The following HIBCH variants were observed in gnomAD, a reference collection of about 807,000 sequenced individuals.
HIBCH encodes 3-hydroxyisobutyryl-CoA hydrolase.
Under a neutral mutation model 58.2 loss-of-function variants are expected in HIBCH, and 50 were observed. That is an observed-to-expected ratio of 0.86 (90% confidence interval 0.68 to 1.09). The LOEUF (loss-of-function observed/expected upper bound fraction) is 1.09. HIBCH is among the 50% of genes least tolerant of loss of function. HIBCH has a pLI of 0.00. For synonymous variants in HIBCH, 151 were observed against 146.9 expected (o/e 1.03, Z -0.20); for missense variants, 450 against 449.7 (o/e 1.00, Z -0.01).
chr2:190,241,242 G>T (rs1227566626), intron 11 of HIBCH, among the ~76,000 whole-genome samples: 2 of 152,026 alleles, frequency 1.3e-5, no homozygotes, highest in African/African-American at 4.8e-5. Context: ...TGTCTTTTTT[G>T]ATTGCTTTTG....
chr2:190,220,138 G>A (rs1424200831), intron 11 of HIBCH, among the ~76,000 whole-genome samples: 1 of 152,234 alleles, frequency 6.6e-6, no homozygotes, highest in Non-Finnish European at 1.5e-5. Context: ...GCTATCACTA[G>A]TTCCAAGATG....
intron 4 of HIBCH, among the ~76,000 whole-genome samples, chr2:190,292,079 T>C (rs999884452): frequency 6.6e-6 from 1 of 152,056 alleles, no homozygotes; most frequent in African/African-American, 2.4e-5. Flanking sequence ...ACCTCCCAGG[T>C]TGAAGTGATT....
intron 9 of HIBCH, among the ~76,000 whole-genome samples, chr2:190,249,385 T>C (rs2105938252): frequency 6.6e-6 from 1 of 152,330 alleles, no homozygotes; most frequent in East Asian, 1.9e-4. Context: ...TTGCAAAGAA[T>C]GATCACAAGG....
chr2:190,319,575 G>A, intron 1 of HIBCH, 141 bp downstream of exon 1: 2 of 722,548 alleles, frequency 2.8e-6, no homozygotes, highest in East Asian at 2.7e-5. Flanking sequence ...GGCTTGGGGA[G>A]GGCCAAGGTT....
At chr2:190,247,091 ATTCGCACTTATCT>A (rs990013130) in intron 9 of HIBCH, among the ~76,000 whole-genome samples, 1 of 152,016 alleles carries the variant, frequency 6.6e-6, no homozygotes, top group African/African-American at 2.4e-5. Context: ...AAAACACAAG[ATTCGCACTTATCT>A]TTATTAAATT....
chr2:190,224,319 C>T (rs1685822975), intron 11 of HIBCH, among the ~76,000 whole-genome samples: 1 of 152,144 alleles, frequency 6.6e-6, no homozygotes, highest in Non-Finnish European at 1.5e-5. Context: ...GTAGACTCCA[C>T]CTCTGGGGTC....
At chr2:190,225,574 A>C (rs1000983935) in intron 11 of HIBCH, among the ~76,000 whole-genome samples, 17 of 152,232 alleles carry the variant, frequency 1.1e-4, no homozygotes, top group South Asian at 6.2e-4. Context: ...AACCAGGAAG[A>C]AGTTAAGTCC....
chr2:190,194,236 G>C (rs1398916593), intron 1 of HIBCH, among the ~76,000 whole-genome samples: 1 of 152,108 alleles, frequency 6.6e-6, no homozygotes, highest in Non-Finnish European at 1.5e-5. Context: ...GTAGTGTTCT[G>C]TGAATATCAA....
chr2:190,232,832 C>G (rs966864729), intron 11 of HIBCH, among the ~76,000 whole-genome samples: 1 of 152,018 alleles, frequency 6.6e-6, no homozygotes, highest in Non-Finnish European at 1.5e-5. Context: ...GTGGCGGGCA[C>G]CTGTAGTCCC....
Position 190,209,955 on chromosome 2 carries a change from C to T in HIBCH, c.1012-1042G>A, listed in dbSNP as rs1318377582. 4.6e-5 allele frequency among the ~76,000 whole-genome samples: 7 copies of T among 152,174 alleles called. No individual in the cohort carries two copies. In the East Asian group the frequency reaches 5.8e-4, roughly 13 times the overall value. On this transcript the variant is annotated intron_variant, in intron 12 of 13. Coordinates refer to ENST00000359678, the MANE Select transcript of HIBCH (RefSeq NM_014362.4). The surrounding 1 kb of genome is among the most constrained non-coding windows in gnomAD (Gnocchi z 5.6). Reference sequence around the variant, plus strand: ...TTAATCCACATCCAAGCACAGTGTCCGACACTAAGTGTTCAGTAAATATTA... The same window carrying T: ...TTAATCCACATCCAAGCACAGTGTCTGACACTAAGTGTTCAGTAAATATTA...
In HIBCH at chr2:190,204,444, T is replaced by C. The variant is rs922492808; in HGVS notation, c.*673A>G. ...TCTGATTATTTTAGGGAAGACCAAGTCTGAGTTAATACTGAAGAGGGACGT... is the reference window on the plus strand; with the variant it reads ...TCTGATTATTTTAGGGAAGACCAAGCCTGAGTTAATACTGAAGAGGGACGT... On this transcript the variant is annotated 3_prime_UTR_variant, in exon 14 of 14. Coordinates refer to ENST00000359678, the MANE Select transcript of HIBCH (RefSeq NM_014362.4). 1.3e-5 allele frequency: 2 copies of C among 152,138 alleles called. No individual in the cohort carries two copies. The highest frequency in any genetic ancestry group is 4.8e-5 in the African/African-American group (2 of 41,456). 9.4% of individuals were successfully genotyped at this position (152,138 alleles called of 1,614,324 possible). A position where few individuals can be genotyped will look rare whatever the true frequency, so the allele number is the denominator to read the frequency against.
chr2:190,302,370 C>T (rs1480791755), intron 2 of HIBCH, among the ~76,000 whole-genome samples: 1 of 152,186 alleles, frequency 6.6e-6, no homozygotes. Context: ...GCCATGTTAA[C>T]TCTGGGGTGG....
At position 190,311,745 on chromosome 2, in the gene HIBCH, T is replaced by C. The variant is rs531948202; in HGVS notation, c.36-949A>G. ...AGCATTATTTTAAAGACTGTGTCTA[T>C]TAATACAGCCATTACACAACCACTA... On this transcript the variant is annotated intron_variant, in intron 1 of 13. Coordinates refer to ENST00000359678, the MANE Select transcript of HIBCH (RefSeq NM_014362.4). Among the ~76,000 whole-genome samples the C allele has an allele frequency of 4.6e-5, 7 of 152,330 alleles. No homozygotes were observed. In the East Asian group the frequency reaches 1.2e-3, roughly 25 times the overall value.
At chr2:190,205,629 T>C (rs1690371962) in intron 13 of HIBCH, among the ~76,000 whole-genome samples, 1 of 152,200 alleles carries the variant, frequency 6.6e-6, no homozygotes, top group Non-Finnish European at 1.5e-5. Flanking sequence ...ATGTGCCTTC[T>C]AACCTCCTCC....
chr2:190,266,815 G>A (rs1483834880), intron 6 of HIBCH, among the ~76,000 whole-genome samples: 10 of 152,100 alleles, frequency 6.6e-5, no homozygotes, highest in Admixed American at 6.5e-4. Context: ...GCAGTGCAGT[G>A]GCACAATATC....
chr2:190,223,684 T>C (rs1267816732), intron 11 of HIBCH, among the ~76,000 whole-genome samples: 1 of 152,242 alleles, frequency 6.6e-6, no homozygotes, highest in Non-Finnish European at 1.5e-5. Context: ...AAAGGGCTAT[T>C]GCCCTTGGCA....
chr2:190,284,037 C>T lies in HIBCH; in HGVS notation c.438+3549G>A, dbSNP rs143300814. 5.5e-3 allele frequency among the ~76,000 whole-genome samples: 841 copies of T among 152,240 alleles called. 8 individuals are homozygous for T. The highest frequency in any genetic ancestry group is 0.01 in the Middle Eastern group (3 of 294). ...CCTCGAGACTGATTCTCTAGGCAAA[C>T]CCAAGAACATTTTAGGGCACTAAGA... is the stretch of plus-strand genomic sequence containing the variant. On this transcript the variant is annotated intron_variant, in intron 6 of 13. Coordinates refer to ENST00000359678, the MANE Select transcript of HIBCH (RefSeq NM_014362.4).
chr2:190,293,654 CG>C (rs1022624646), intron 4 of HIBCH, among the ~76,000 whole-genome samples: 130 of 151,930 alleles, frequency 8.6e-4, no homozygotes, highest in Non-Finnish European at 1.6e-3. Flanking sequence ...TAATGGTTTA[CG>C]TAAGTTTGGT....
intron 11 of HIBCH, among the ~76,000 whole-genome samples, chr2:190,244,053 AAT>A (rs1429826759): frequency 2.0e-5 from 3 of 152,200 alleles, no homozygotes; most frequent in Non-Finnish European, 4.4e-5. Context: ...ATTTTTTCTC[AAT>A]ATGTTTCCTG....
Sources: gnomAD v4.1 joint callset for allele counts (sites outside exome capture counted in the v4.1 genomes callset) on GRCh38, gnomAD v4.1.1 for gene constraint, Gnocchi (gnomAD v3.1) non-coding constraint, MANE v1.5 for transcripts, NCBI Gene and HGNC (gene_info 2026-07-23, HGNC 2026-07-21) for gene names.